Variants in ADSS1 observed in about 807,000 individuals in gnomAD.
ADSS1 encodes the protein adenylosuccinate synthase 1.
Under a neutral mutation model 59.1 loss-of-function variants are expected in ADSS1, and 57 were observed. The observed-to-expected ratio is 0.97, with a 90% CI of 0.78 to 1.20. ADSS1 has a LOEUF of 1.20. Ranked by LOEUF, ADSS1 falls within the 50% of genes most tolerant of loss-of-function variation. The pLI is 0.00. For synonymous variants in ADSS1, 247 were observed against 249.4 expected (o/e 0.99, Z 0.09); for missense variants, 603 against 610.3 (o/e 0.99, Z 0.13).
rs769192284 is a variant in ADSS1, at chr14:104,744,808, A to G, written c.1074-4A>G. On this transcript the variant is annotated splice_region_variant and splice_polypyrimidine_tract_variant and intron_variant, in intron 10 of 12. Transcript: ENST00000330877. ...GGTTTGCCCGGCCCCTTGGCTTTCC[A>G]CAGGCTGGCCCTGACGAAGCTGGAC... 1.2e-6 allele frequency: 2 copies of G among 1,614,088 alleles called. No homozygotes were observed. Among genetic ancestry groups the G allele is most frequent in the Admixed American group, 3.3e-5 (2 of 60,020 alleles).
intron 2 of ADSS1, among the ~76,000 whole-genome samples, chr14:104,736,074 G>A (rs1411291782): frequency 5.3e-5 from 8 of 152,322 alleles, no homozygotes; most frequent in East Asian, 1.9e-4. Context: ...AAGATAGCGC[G>A]GAGGTGGCTG....
intron 1 of ADSS1, among the ~76,000 whole-genome samples, chr14:104,725,358 C>T (rs1311356157): frequency 6.6e-6 from 1 of 152,204 alleles, no homozygotes; most frequent in Non-Finnish European, 1.5e-5. Context: ...GGGATGCACG[C>T]GTCTGGGGTT....
chr14:104,727,383 C>A (rs1037290957), intron 1 of ADSS1, among the ~76,000 whole-genome samples: 3 of 152,062 alleles, frequency 2.0e-5, no homozygotes, highest in African/African-American at 7.2e-5. Context: ...TGGGTCTGTT[C>A]GGCTGCACTA....
At position 104,739,714 on chromosome 14, in the gene ADSS1, C is replaced by T. The variant is rs770225592; in HGVS notation, c.410-36C>T. The T allele has an allele frequency of 7.4e-6, 12 of 1,611,018 alleles. No individual in the cohort carries two copies. In the African/African-American group the frequency reaches 1.5e-4, roughly 20 times the overall value. On this transcript the variant is annotated intron_variant, in intron 4 of 12. Coordinates refer to ENST00000330877, the MANE Select transcript of ADSS1 (RefSeq NM_152328.5). The stretch of plus-strand genomic sequence containing the variant: ...TACACATCTGTCCTCTGCTTCTCTC[C>T]TGTCTCCTGCTGCCCTCACCTGGCC...
rs34672588 is a variant in ADSS1, at chr14:104,729,898, G to A, written c.193-5122G>A. On this transcript the variant is annotated intron_variant, in intron 1 of 12. Transcript: ENST00000330877. ...GGGAGGAGCGTGGCGTCGGCATGGT[G>A]GGGAGGAGCTGTGGGGTGGCAACCC... 0.28 allele frequency: 223,630 copies of A among 787,880 alleles called. 56,283 individuals carry two copies. Among genetic ancestry groups the A allele is most frequent in the East Asian group, 0.49 (14,103 of 28,716 alleles). 48.8% of individuals were successfully genotyped at this position (787,880 alleles called of 1,614,324 possible).
Position 104,740,633 on chromosome 14 carries a change from C to A in ADSS1, c.509C>A (p.Thr170Asn). The A allele has an allele frequency of 1.2e-6, 2 of 1,613,994 alleles. No individual in the cohort carries two copies. Among genetic ancestry groups the A allele is most frequent in the South Asian group, 1.1e-5 (1 of 91,070 alleles). Reference sequence around the variant, plus strand: ...ACCACCAAGAAGGGAATCGGACCAACCTACTCTTCCAAAGCTGCCCGGACA... The same window carrying A: ...ACCACCAAGAAGGGAATCGGACCAAACTACTCTTCCAAAGCTGCCCGGACA... Reference protein sequence around the residue: ...IGTTKKGIGPTYSSKAARTGL... With the variant: ...IGTTKKGIGPNYSSKAARTGL... The change falls in exon 6 of 13, where the codon ACC becomes AAC. Residue 170 changes from threonine (T) to asparagine (N), a missense_variant. Coordinates refer to ENST00000330877, the MANE Select transcript of ADSS1 (RefSeq NM_152328.5). The surrounding 1 kb of genome is among the most constrained non-coding windows in gnomAD (Gnocchi z 4.8).
chr14:104,724,976 G>A (rs1890678706), intron 1 of ADSS1, among the ~76,000 whole-genome samples: 2 of 152,220 alleles, frequency 1.3e-5, no homozygotes, highest in Non-Finnish European at 2.9e-5. Flanking sequence ...TGACCCCGGT[G>A]AGTCAGCCAA....
chr14:104,734,912 C>T, intron 1 of ADSS1, 108 bp from the exon 2 acceptor site: 1 of 912,162 alleles, frequency 1.1e-6, no homozygotes, highest in South Asian at 1.5e-5. Context: ...ACCCCAAAAT[C>T]CAACAGCAGT....
intron 9 of ADSS1, among the ~76,000 whole-genome samples, chr14:104,742,753 C>T (rs536836504): frequency 6.6e-6 from 1 of 152,370 alleles, no homozygotes; most frequent in South Asian, 2.1e-4. Context: ...CTGCCCATGG[C>T]AGGAGGGGAA....
chr14:104,729,436 G>C (rs1352187256), intron 1 of ADSS1, among the ~76,000 whole-genome samples: 1 of 152,188 alleles, frequency 6.6e-6, no homozygotes, highest in Non-Finnish European at 1.5e-5. Flanking sequence ...CAAGGACAAA[G>C]CCTGTGTGTG....
chr14:104,744,683 C>G, intron 10 of ADSS1, 129 bp from the exon 11 acceptor site: 1 of 791,092 alleles, frequency 1.3e-6, no homozygotes, highest in Admixed American at 2.2e-5. Flanking sequence ...CCAACCAGTA[C>G]TGGTCCACAG....
chr14:104,743,187 A>G lies in ADSS1; in HGVS notation c.1069A>G (p.Thr357Ala), dbSNP rs144158734. The G allele has an allele frequency of 6.2e-7, 1 of 1,610,578 alleles. No individual in the cohort carries two copies. Among genetic ancestry groups the G allele is most frequent in the East Asian group, 2.2e-5 (1 of 44,876 alleles). Residue 357 changes from threonine to alanine, a missense_variant, in exon 10 of 13, where the codon ACT becomes GCT. Physicochemically the swap from Thr to Ala is moderately conservative, Grantham distance 58. Coordinates refer to ENST00000330877, the MANE Select transcript of ADSS1 (RefSeq NM_152328.5). The part of the protein sequence containing the change: ...LRYAHMVNGF[T>A]ALALTKLDIL... ...ATATGCTCACATGGTCAACGGATTC[A>G]CTGCGTAAGCAACCCATGCTGCCAT... is the stretch of plus-strand genomic sequence containing the variant.
chr14:104,733,996 C>T (rs1891025739), intron 1 of ADSS1, among the ~76,000 whole-genome samples: 2 of 152,202 alleles, frequency 1.3e-5, no homozygotes, highest in Admixed American at 1.3e-4. Flanking sequence ...TCACACTGGG[C>T]CTACAGGGGT....
rs563631311 is a variant in ADSS1, at chr14:104,741,204, G to T, written c.754G>T (p.Val252Leu). ...ALHGPPKKIL[V>L]EGANAALLDI... The stretch of plus-strand genomic sequence containing the variant: ...CCACGGCCCCCCCAAGAAGATCCTG[G>T]TGGAGGGTGCCAACGCCGCCCTCCT... Residue 252 changes from valine to leucine, a missense_variant, in exon 8 of 13, where the codon GTG (valine) becomes TTG (leucine). Val to Leu is a conservative substitution (Grantham distance 32). Transcript: ENST00000330877. The T allele has an allele frequency of 1.9e-6, 3 of 1,610,878 alleles. No individual in the cohort carries two copies. The highest frequency in any genetic ancestry group is 4.5e-5 in the East Asian group (2 of 44,822).
rs1393354907 is a variant in ADSS1, at chr14:104,740,609, C to T, written c.485C>T (p.Thr162Ile). Reference sequence around the variant, plus strand: ...CACTCCCCATCTTTCAGTATAGGCACCACCAAGAAGGGAATCGGACCAACC... The same window carrying T: ...CACTCCCCATCTTTCAGTATAGGCATCACCAAGAAGGGAATCGGACCAACC... ...RQAQEGKNIG[T>I]TKKGIGPTYS... is the part of the protein sequence containing the mutation. The change falls in exon 6 of 13, where the codon ACC becomes ATC. Residue 162 changes from threonine to isoleucine, a missense_variant. Coordinates refer to ENST00000330877, the MANE Select transcript of ADSS1 (RefSeq NM_152328.5). This position sits in a 1 kb window ranked among gnomAD's most constrained non-coding sequence, Gnocchi z 4.8. The T allele has an allele frequency of 1.2e-6, 2 of 1,613,676 alleles. No homozygotes were observed. The highest frequency in any genetic ancestry group is 1.7e-6 in the Non-Finnish European group (2 of 1,179,996).
In ADSS1 at chr14:104,729,398, G is replaced by A. The variant is rs148059909; in HGVS notation, c.192+4936G>A. Among the ~76,000 whole-genome samples the A allele has an allele frequency of 3.3e-3, 504 of 152,332 alleles. 3 individuals are homozygous for A. The highest frequency in any genetic ancestry group is 0.011 in the African/African-American group (478 of 41,578). ...AGCTCAGTGCAGGGGCAGGGCATGCGCCATCTGGGCAGTGTGGAGGTGAGG... is the reference window on the plus strand; with the variant it reads ...AGCTCAGTGCAGGGGCAGGGCATGCACCATCTGGGCAGTGTGGAGGTGAGG... On this transcript the variant is annotated intron_variant, in intron 1 of 12. Coordinates refer to ENST00000330877, the MANE Select transcript of ADSS1 (RefSeq NM_152328.5).
At chr14:104,746,497 C>G (rs1334165998) in intron 12 of ADSS1, 112 bp downstream of exon 12, 1 of 1,384,924 alleles carries the variant, frequency 7.2e-7, no homozygotes, top group African/African-American at 1.4e-5. Context: ...GGTCACCAAG[C>G]GAATATATTG....
chr14:104,740,733 G>A lies in ADSS1; in HGVS notation c.584+25G>A, dbSNP rs533280528. Reference sequence around the variant, plus strand: ...GGTACCTGAGCCGTCTGCAGTCCCCGGGGAGGATGGGGAGAAGTTGCCGGA... The same window carrying A: ...GGTACCTGAGCCGTCTGCAGTCCCCAGGGAGGATGGGGAGAAGTTGCCGGA... On this transcript the variant is annotated intron_variant, in intron 6 of 12. Coordinates refer to ENST00000330877, the MANE Select transcript of ADSS1 (RefSeq NM_152328.5). The surrounding 1 kb of genome is among the most constrained non-coding windows in gnomAD (Gnocchi z 4.8). The A allele has an allele frequency of 1.4e-5, 23 of 1,613,016 alleles. No homozygotes were observed. In the South Asian group the frequency reaches 1.9e-4, roughly 13 times the overall value.
In ADSS1 at chr14:104,744,803, T is replaced by A; in HGVS notation, c.1074-9T>A. The A allele has an allele frequency of 1.2e-6, 2 of 1,614,122 alleles. No homozygotes were observed. Among genetic ancestry groups the A allele is most frequent in the African/African-American group, 2.7e-5 (2 of 75,058 alleles). The stretch of plus-strand genomic sequence containing the variant: ...TCTTGGGTTTGCCCGGCCCCTTGGC[T>A]TTCCACAGGCTGGCCCTGACGAAGC... On this transcript the variant is annotated splice_polypyrimidine_tract_variant and intron_variant, in intron 10 of 12. Transcript: ENST00000330877.
Sources: allele counts gnomAD v4.1 joint callset (sites outside exome capture counted in the v4.1 genomes callset), GRCh38; gene constraint gnomAD v4.1.1; non-coding constraint Gnocchi (gnomAD v3.1); transcripts MANE v1.5; gene names NCBI Gene and HGNC (gene_info 2026-07-23, HGNC 2026-07-21).